The following MMP13 variants were observed in gnomAD, a reference collection of about 807,000 sequenced individuals.
MMP13 encodes the protein collagenase 3.
MMP13 carries 45 observed loss-of-function variants against 52.1 expected under a neutral mutation model. The ratio of observed to expected loss-of-function variants is 0.86; its 90% CI spans 0.68 to 1.11. The LOEUF (loss-of-function observed/expected upper bound fraction) is 1.11. Among genes scored for constraint, MMP13 ranks in the 50% least tolerant of loss-of-function variants. The pLI is 0.00. For synonymous variants in MMP13, 200 were observed against 204.4 expected, an observed-to-expected ratio of 0.98 and a Z score of 0.18; for missense variants, 576 against 583.8, an observed-to-expected ratio of 0.99 and a Z score of 0.14.
chr11:102,950,200 TTA>T lies in MMP13; in HGVS notation c.825_826del (p.Lys276ThrfsTer9). ...ACATTTGTCTGGCGTTTTTGGATGT[TTA>T]GGGTTGGGGTCTTCATCTCCTGGAC... On this transcript the variant is annotated frameshift_variant, in exon 6 of 10. Coordinates refer to ENST00000260302, the MANE Select transcript of MMP13 (RefSeq NM_002427.4). LOFTEE classifies it high-confidence loss of function. The T allele has an allele frequency of 6.2e-7, 1 of 1,613,748 alleles. No individual in the cohort carries two copies. Among genetic ancestry groups the T allele is most frequent in the East Asian group, 2.2e-5 (1 of 44,882 alleles).
chr11:102,950,875 A>C (rs539960209), intron 5 of MMP13, among the ~76,000 whole-genome samples: 3 of 152,172 alleles, frequency 2.0e-5, no homozygotes, highest in Non-Finnish European at 2.9e-5. Context: ...CCTGAGTCAT[A>C]ACAATGTAGA....
chr11:102,945,554 T>TACATTTATTAACA, intron 9 of MMP13, 92 bp downstream of exon 9: 2 of 832,210 alleles, frequency 2.4e-6, no homozygotes, highest in Non-Finnish European at 4.1e-6. Context: ...TATTAACACA[T>TACATTTATTAACA]CTAGGTCCTA....
intron 8 of MMP13, among the ~76,000 whole-genome samples, chr11:102,946,249 C>T (rs769991108): frequency 1.4e-4 from 21 of 152,166 alleles, no homozygotes; most frequent in Non-Finnish European, 2.1e-4. Context: ...TTTCCCCCTC[C>T]ATAACTGCAT....
chr11:102,954,364 T>G, intron 3 of MMP13, 83 bp from the exon 4 acceptor site: 1 of 1,600,834 alleles, frequency 6.2e-7, no homozygotes, highest in Non-Finnish European at 8.6e-7. Flanking sequence ...TGTTGAATTC[T>G]TTAAAAAGTA....
At position 102,950,194 on chromosome 11, in the gene MMP13, G is replaced by C; in HGVS notation, c.833C>G (p.Pro278Arg). 6.2e-7 allele frequency: 1 copy of C among 1,613,778 alleles called. No individual in the cohort carries two copies. Among genetic ancestry groups the C allele is most frequent in the Non-Finnish European group, 8.5e-7 (1 of 1,179,736 alleles). Residue 278 changes from proline (P) to arginine (R), a missense_variant, in exon 6 of 10, where the codon CCA becomes CGA. Pro to Arg is a moderately radical substitution (Grantham distance 103). Transcript: ENST00000260302. ...AGGGTCACATTTGTCTGGCGTTTTT[G>C]GATGTTTAGGGTTGGGGTCTTCATC... ...PGDEDPNPKH[P>R]KTPDKCDPSL...
chr11:102,949,285 G>T lies in MMP13; in HGVS notation c.918-127C>A. The T allele has an allele frequency of 1.7e-6, 2 of 1,202,526 alleles. No individual in the cohort carries two copies. Among genetic ancestry groups the T allele is most frequent in the Non-Finnish European group, 2.4e-6 (2 of 848,888 alleles). 74.5% of individuals were successfully genotyped at this position (1,202,526 alleles called of 1,614,324 possible). A position where few individuals can be genotyped will look rare whatever the true frequency, so the allele number is the denominator to read the frequency against. ...AACCAATACCTCCCACCTGTGAAGG[G>T]AAAAAAAATTCCATTACCCTTTAAG... On this transcript the variant is annotated intron_variant, in intron 6 of 9. Coordinates refer to ENST00000260302, the MANE Select transcript of MMP13 (RefSeq NM_002427.4). The surrounding 1 kb of genome is among the most constrained non-coding windows in gnomAD (Gnocchi z 4.2).
intron 9 of MMP13, chr11:102,945,220 G>A: frequency 1.3e-6 from 1 of 745,472 alleles, no homozygotes; most frequent in Non-Finnish European, 1.9e-6. Flanking sequence ...CTCCAGCCTG[G>A]GTGACAGAGT....
Position 102,955,601 on chromosome 11 carries a change from G to A in MMP13, c.105C>T (p.Asp35=). Residue 35 remains aspartate (D), a synonymous_variant, in exon 1 of 10, where the codon GAC becomes GAT. Coordinates refer to ENST00000260302, the MANE Select transcript of MMP13 (RefSeq NM_002427.4). This position sits in a 1 kb window ranked among gnomAD's most constrained non-coding sequence, Gnocchi z 4.9. ...GATACTCTACCTCTGCAAACTGGAG[G>A]TCTTCCTCAGACAAATCATCTTCAT... ...GGDEDDLSEE[D]LQFAERYLRS... is the part of the protein sequence containing the mutation. 6.2e-7 allele frequency: 1 copy of A among 1,614,018 alleles called. No individual in the cohort carries two copies. The highest frequency in any genetic ancestry group is 8.5e-7 in the Non-Finnish European group (1 of 1,179,920).
At position 102,950,191 on chromosome 11, in the gene MMP13, T is replaced by G. The variant is rs1860587251; in HGVS notation, c.836A>C (p.Lys279Thr). The G allele has an allele frequency of 3.7e-6, 6 of 1,613,786 alleles. No homozygotes were observed. The highest frequency in any genetic ancestry group is 5.1e-6 in the Non-Finnish European group (6 of 1,179,752). ...GDEDPNPKHP[K>T]TPDKCDPSLS... ...GGAAGGGTCACATTTGTCTGGCGTT[T>G]TTGGATGTTTAGGGTTGGGGTCTTC... The change falls in exon 6 of 10, where the codon AAA (lysine) becomes ACA (threonine). Residue 279 changes from lysine (K) to threonine (T), a missense_variant. Coordinates refer to ENST00000260302, the MANE Select transcript of MMP13 (RefSeq NM_002427.4).
chr11:102,949,267 A>G lies in MMP13; in HGVS notation c.918-109T>C. 7.4e-7 allele frequency: 1 copy of G among 1,357,108 alleles called. No individual in the cohort carries two copies. The allele number at this position is 1,357,108 out of a possible 1,614,324, so 84.1% of individuals were successfully genotyped here. On this transcript the variant is annotated intron_variant, in intron 6 of 9. Transcript: ENST00000260302. The surrounding 1 kb of genome is among the most constrained non-coding windows in gnomAD (Gnocchi z 4.2). ...CACAGACAAGTTAGATACAACCAAT[A>G]CCTCCCACCTGTGAAGGGAAAAAAA...
At chr11:102,953,832 T>A (rs540407792) in intron 4 of MMP13, among the ~76,000 whole-genome samples, 1 of 152,324 alleles carries the variant, frequency 6.6e-6, no homozygotes, top group African/African-American at 2.4e-5. Context: ...TCTAATAAAC[T>A]GTACTTCCTC....
intron 9 of MMP13, 128 bp from the exon 10 acceptor site, chr11:102,944,494 A>G (rs1436867133): frequency 2.7e-5 from 17 of 637,512 alleles, no homozygotes; most frequent in African/African-American, 5.6e-5. Flanking sequence ...TTTAAACTCT[A>G]TTAGTTCTTT....
In MMP13 at chr11:102,943,740, A is replaced by G. The variant is rs1860447260; in HGVS notation, c.*526T>C. ...CGTTAGTGTCTGTGTGAAGAAGGGC[A>G]CATACATCTGAATATCCTCAGTGCA... On this transcript the variant is annotated 3_prime_UTR_variant, in exon 10 of 10. Transcript: ENST00000260302. The G allele has an allele frequency of 6.3e-6, 1 of 159,096 alleles. No individual in the cohort carries two copies. Among genetic ancestry groups the G allele is most frequent in the African/African-American group, 2.4e-5 (1 of 41,476 alleles). The allele number at this position is 159,096 out of a possible 1,614,324, so 9.9% of individuals were successfully genotyped here. A position where few individuals can be genotyped will look rare whatever the true frequency, so the allele number is the denominator to read the frequency against.
rs1362405000 is a variant in MMP13, at chr11:102,952,493, G to A, written c.638-320C>T. On this transcript the variant is annotated intron_variant, in intron 4 of 9. Coordinates refer to ENST00000260302, the MANE Select transcript of MMP13 (RefSeq NM_002427.4). The surrounding 1 kb of genome is among the most constrained non-coding windows in gnomAD (Gnocchi z 4.3). The stretch of plus-strand genomic sequence containing the variant: ...CATTAGAACTCCTGATTTGCGCTTA[G>A]TATTCTCAGGTCAGGTGAGGGAAGT... 6.6e-6 allele frequency among the ~76,000 whole-genome samples: 1 copy of A among 152,126 alleles called. No individual in the cohort carries two copies. Among genetic ancestry groups the A allele is most frequent in the Non-Finnish European group, 1.5e-5 (1 of 68,002 alleles).
rs1188672154 is a variant in MMP13, at chr11:102,950,041, G to C, written c.917+69C>G. 3.8e-6 allele frequency: 5 copies of C among 1,304,754 alleles called. No individual in the cohort carries two copies. The Admixed American group carries it at 5.0e-5, about 13-fold the overall frequency. The allele number at this position is 1,304,754 out of a possible 1,614,324, so 80.8% of individuals were successfully genotyped here. A position where few individuals can be genotyped will look rare whatever the true frequency, so the allele number is the denominator to read the frequency against. ...CTTTGGAAGTCTGACAGGATGTTTT[G>C]GCAATATGCAGAAGCAGCTTCACAG... On this transcript the variant is annotated intron_variant, in intron 6 of 9. Transcript: ENST00000260302.
At position 102,949,275 on chromosome 11, in the gene MMP13, C is replaced by T. The variant is rs1263557204; in HGVS notation, c.918-117G>A. On this transcript the variant is annotated intron_variant, in intron 6 of 9. Transcript: ENST00000260302. This position sits in a 1 kb window ranked among gnomAD's most constrained non-coding sequence, Gnocchi z 4.2. ...AGTTAGATACAACCAATACCTCCCA[C>T]CTGTGAAGGGAAAAAAAATTCCATT... is the stretch of plus-strand genomic sequence containing the variant. 4 of 1,308,436 alleles carry T rather than the reference C, an allele frequency of 3.1e-6. No individual in the cohort carries two copies. The highest frequency in any genetic ancestry group is 4.3e-6 in the Non-Finnish European group (4 of 938,362). 81.1% of individuals were successfully genotyped at this position (1,308,436 alleles called of 1,614,324 possible). A position where few individuals can be genotyped will look rare whatever the true frequency, so the allele number is the denominator to read the frequency against.
intron 9 of MMP13, 133 bp downstream of exon 9, chr11:102,945,513 G>A: frequency 1.4e-6 from 1 of 692,780 alleles, no homozygotes. Flanking sequence ...TAGTCACACA[G>A]GAACAATTAA....
At chr11:102,951,050 A>T (rs1188576403) in intron 5 of MMP13, among the ~76,000 whole-genome samples, 1 of 152,168 alleles carries the variant, frequency 6.6e-6, no homozygotes, top group South Asian at 2.1e-4. Context: ...GTTTACACTG[A>T]TGACTGTGTA....
At chr11:102,951,685 C>T (rs1252068233) in intron 5 of MMP13, among the ~76,000 whole-genome samples, 1 of 152,026 alleles carries the variant, frequency 6.6e-6, no homozygotes, top group Non-Finnish European at 1.5e-5. Flanking sequence ...AATATTGTAG[C>T]GTGTACTTAC....
Sources: gnomAD v4.1 joint callset for allele counts (sites outside exome capture counted in the v4.1 genomes callset) on GRCh38, gnomAD v4.1.1 for gene constraint, Gnocchi (gnomAD v3.1) non-coding constraint, MANE v1.5 for transcripts, NCBI Gene and HGNC (gene_info 2026-07-23, HGNC 2026-07-21) for gene names.